Variants in BCORL1 observed in about 807,000 individuals in gnomAD.
BCORL1 encodes BCL-6 corepressor-like protein 1.
In BCORL1, 7 loss-of-function variants were observed where a neutral mutation model predicts 87.6. The ratio of observed to expected loss-of-function variants is 0.08; its 90% confidence interval spans 0.05 to 0.15. The LOEUF (loss-of-function observed/expected upper bound fraction) is 0.15. Among genes scored for constraint, BCORL1 ranks in the 10% least tolerant of loss-of-function variants. The probability of loss-of-function intolerance (pLI) is 1.00; values close to 1 mark genes in which losing one functional copy is unlikely to be tolerated. For missense variants in BCORL1, 1,215 were observed against 1,499.7 expected, an observed-to-expected ratio of 0.81 and a Z score of 3.13; for synonymous variants, 591 against 634.4, an observed-to-expected ratio of 0.93 and a Z score of 1.03.
chrX:130,005,166 T>C (rs1928385731), intron 1 of BCORL1, 22 bp from the exon 2 acceptor site: 8 of 997,337 alleles, frequency 8.0e-6, no homozygotes, highest in Non-Finnish European at 1.1e-5. Context: ...GAGTTTTGAT[T>C]TTCTGGAATT....
intron 2 of BCORL1, among the ~76,000 whole-genome samples, chrX:130,009,022 T>C (rs777883404): frequency 8.6e-4 from 96 of 112,060 alleles, no homozygotes; most frequent in Non-Finnish European, 8.5e-4. Flanking sequence ...GAATTGCATG[T>C]CCGGGTCCAG....
At chrX:130,055,282 G>A (rs1932306189) in intron 13 of BCORL1, among the ~76,000 whole-genome samples, 1 of 112,764 alleles carries the variant, frequency 8.9e-6, no homozygotes, top group African/African-American at 3.2e-5. Context: ...TGCTGCTGCT[G>A]GAGAAAAAAC....
At chrX:130,043,483 C>T (rs1415197135) in intron 11 of BCORL1, among the ~76,000 whole-genome samples, 1 of 109,817 alleles carries the variant, frequency 9.1e-6, no homozygotes, top group Non-Finnish European at 1.9e-5. Context: ...GCAGGAAGCA[C>T]CCGAGTGTGG....
chrX:130,016,116 C>T lies in BCORL1; in HGVS notation c.3344C>T (p.Pro1115Leu), dbSNP rs774565678. The change falls in exon 4 of 14, where the codon CCG (proline) becomes CTG (leucine). Residue 1115 changes from proline to leucine, a missense_variant. Coordinates refer to ENST00000540052, the MANE Select transcript of BCORL1 (RefSeq NM_001379451.1). Reference sequence around the variant, plus strand: ...CCAGATGATGTGACGGAATCTCTGCCGCCCAAGAAGATGAAGTGCGGCAAA... The same window carrying T: ...CCAGATGATGTGACGGAATCTCTGCTGCCCAAGAAGATGAAGTGCGGCAAA... ...WQPDDVTESLPPKKMKCGKEK... is the reference protein window; with the variant it reads ...WQPDDVTESLLPKKMKCGKEK... 4.5e-5 allele frequency: 54 copies of T among 1,209,226 alleles called. No individual in the cohort carries two copies. The highest frequency in any genetic ancestry group is 7.0e-5 in the African/African-American group (4 of 56,991).
intron 8 of BCORL1, among the ~76,000 whole-genome samples, chrX:130,032,880 G>A (rs1400132333): frequency 3.7e-5 from 4 of 108,904 alleles, no homozygotes; most frequent in African/African-American, 1.3e-4. Flanking sequence ...TCCTGCCTCA[G>A]CCTTTCGAAT....
intron 1 of BCORL1, among the ~76,000 whole-genome samples, chrX:129,989,679 C>T (rs190891771): frequency 1.0e-3 from 108 of 105,545 alleles, no homozygotes; most frequent in African/African-American, 3.4e-3. Context: ...GTTGACCAGG[C>T]TGGTCTTGAA....
rs780503967 is a variant in BCORL1 at position 130,037,657 on chromosome X, C to T, written c.4694+124C>T. The T allele has an allele frequency of 4.9e-5, 40 of 814,413 alleles. No individual in the cohort carries two copies. In the East Asian group the frequency reaches 1.3e-3, roughly 27 times the overall value. The allele number at this position is 814,413 out of a possible 1,213,427, so 67.1% of individuals were successfully genotyped here. ...CCTGTAATCCCAGCACTTTGGGAGGCCAAGGCGGGCGGATCATGAGGTCAG... is the reference window on the plus strand; with the variant it reads ...CCTGTAATCCCAGCACTTTGGGAGGTCAAGGCGGGCGGATCATGAGGTCAG... On this transcript the variant is annotated intron_variant, in intron 10 of 13. Coordinates refer to ENST00000540052, the MANE Select transcript of BCORL1 (RefSeq NM_001379451.1).
At chrX:129,991,754 T>G (rs1397677006) in intron 1 of BCORL1, among the ~76,000 whole-genome samples, 1 of 92,097 alleles carries the variant, frequency 1.1e-5, no homozygotes, top group African/African-American at 4.3e-5. Flanking sequence ...ATCTCCCGGG[T>G]TCAAGCAATT....
At chrX:130,008,555 G>A (rs1472109110) in intron 2 of BCORL1, among the ~76,000 whole-genome samples, 2 of 111,553 alleles carry the variant, frequency 1.8e-5, no homozygotes, top group Admixed American at 9.5e-5. Flanking sequence ...GAGCCACCAC[G>A]CCCGGCCTAA....
intron 8 of BCORL1, among the ~76,000 whole-genome samples, chrX:130,031,765 C>T (rs774223331): frequency 9.0e-6 from 1 of 111,209 alleles, no homozygotes; most frequent in Admixed American, 9.6e-5. Context: ...GCCTGGGTGC[C>T]AGAGCGAGAC....
chrX:130,043,746 TTATATATATATATATATATA>T (rs55637661), intron 11 of BCORL1, among the ~76,000 whole-genome samples: 8 of 17,474 alleles, frequency 4.6e-4, no homozygotes, highest in Non-Finnish European at 4.8e-4. Context: ...AGCTAATTTG[TTATATATATATATATATATA>T]TATATATATA....
At position 130,015,317 on chromosome X, in the gene BCORL1, G is replaced by T. The variant is rs780326220; in HGVS notation, c.2545G>T (p.Ala849Ser). The T allele has an allele frequency of 1.2e-5, 15 of 1,210,330 alleles. No homozygotes were observed. Among genetic ancestry groups the T allele is most frequent in the African/African-American group, 3.5e-5 (2 of 57,428 alleles). The change falls in exon 4 of 14, where the codon GCC (alanine) becomes TCC (serine). Residue 849 changes from alanine (A) to serine (S), a missense_variant. This residue lies in a region of BCORL1 where 861 missense variants were observed against 1,010.0 expected (regional missense o/e 0.85). Transcript: ENST00000540052. ...TCTGCTTTCCATTGGCATTTCCAGT[G>T]CCGGGCAGCTGACCCCCAGTCAGGG... ...ASLLSIGISSAGQLTPSQGAP... is the reference protein window; with the variant it reads ...ASLLSIGISSSGQLTPSQGAP...
At chrX:129,989,447 T>G in intron 1 of BCORL1, among the ~76,000 whole-genome samples, 1 of 37,291 alleles carries the variant, frequency 2.7e-5, no homozygotes, top group African/African-American at 9.4e-5. Flanking sequence ...CACCCGTCTT[T>G]TTTTTTTTTT....
chrX:130,053,781 GT>G (rs1411912560), intron 13 of BCORL1, among the ~76,000 whole-genome samples: 1 of 112,209 alleles, frequency 8.9e-6, no homozygotes, highest in Non-Finnish European at 1.9e-5. Context: ...GCCCTATGGG[GT>G]GCAGAAGGGC....
At chrX:130,029,874 C>T (rs1179775025) in intron 8 of BCORL1, among the ~76,000 whole-genome samples, 2 of 110,818 alleles carry the variant, frequency 1.8e-5, no homozygotes, top group East Asian at 2.9e-4. Flanking sequence ...GGGCTGATCT[C>T]GAACTCCTGA....
At chrX:130,016,300 C>T (rs974672353) in intron 4 of BCORL1, 87 bp downstream of exon 4, 2 of 1,058,636 alleles carry the variant, frequency 1.9e-6, no homozygotes, top group African/African-American at 3.8e-5. Context: ...TGACCCCTAC[C>T]CTGTGACACA....
Position 130,037,469 on chromosome X carries a change from G to C in BCORL1, c.4630G>C (p.Asp1544His), listed in dbSNP as rs200861335. ...LHEACSRGWT[D>H]ILNILLEHGA... The stretch of plus-strand genomic sequence containing the variant: ...TGAGGCTTGTTCCCGGGGCTGGACC[G>C]ACATCCTGAACATCCTGCTGGAGCA... Residue 1544 changes from aspartate (D) to histidine (H), a missense_variant, in exon 10 of 14, where the codon GAC becomes CAC. This residue lies in a region of BCORL1 where 55 missense variants were observed against 115.1 expected (regional missense o/e 0.48). Coordinates refer to ENST00000540052, the MANE Select transcript of BCORL1 (RefSeq NM_001379451.1). 2.5e-6 allele frequency: 3 copies of C among 1,211,746 alleles called. No individual in the cohort carries two copies. Among genetic ancestry groups the C allele is most frequent in the Admixed American group, 4.3e-5 (2 of 46,014 alleles).
At chrX:130,052,206 T>A (rs1164786439) in intron 13 of BCORL1, among the ~76,000 whole-genome samples, 190 bp downstream of exon 13, 4 of 112,592 alleles carry the variant, frequency 3.6e-5, no homozygotes, top group Non-Finnish European at 1.9e-5. Flanking sequence ...ACATTGACTA[T>A]CTGCATTTCC....
Position 130,002,413 on chromosome X carries a change from A to C in BCORL1, c.-44-2775A>C, listed in dbSNP as rs1453227051. ...AGGTGGGGCAGGGCTGACAACTGGC[A>C]CAGAGGGAGAGAGATGGGTGGGGGA... On this transcript the variant is annotated intron_variant, in intron 1 of 13. Coordinates refer to ENST00000540052, the MANE Select transcript of BCORL1 (RefSeq NM_001379451.1). Among the ~76,000 whole-genome samples the C allele has an allele frequency of 4.6e-5, 5 of 108,335 alleles. No individual in the cohort carries two copies. In the East Asian group the frequency reaches 1.4e-3, roughly 31 times the overall value. 94.1% of individuals were successfully genotyped at this position (108,335 alleles called of 115,157 possible).
Sources: allele counts gnomAD v4.1 joint callset (sites outside exome capture counted in the v4.1 genomes callset), GRCh38; gene constraint gnomAD v4.1.1; regional missense constraint gnomAD v4.1.1; transcripts MANE v1.5; gene names NCBI Gene and HGNC (gene_info 2026-07-23, HGNC 2026-07-21).